MSRA: variants seen among roughly 807,000 people sequenced by gnomAD.
The protein encoded by MSRA is methionine sulfoxide reductase A, also known as mitochondrial peptide methionine sulfoxide reductase.
MSRA carries 54 observed loss-of-function variants against 31.3 expected under a neutral mutation model. The observed-to-expected ratio is 1.73, with a 90% confidence interval of 1.39 to 2.17. The LOEUF (loss-of-function observed/expected upper bound fraction) is 2.17, where lower values mean the gene tolerates loss of function less well. Ranked by LOEUF, MSRA falls within the 30% of genes most tolerant of loss-of-function variation. The pLI is 0.00. For missense variants in MSRA, 507 were observed against 300.9 expected (o/e 1.69, Z -5.07); for synonymous variants, 169 against 116.5 (o/e 1.45, Z -2.90).
chr8:10,414,864 A>T (rs1297336411), intron 5 of MSRA, among the ~76,000 whole-genome samples: 1 of 152,230 alleles, frequency 6.6e-6, no homozygotes, highest in Non-Finnish European at 1.5e-5. Context: ...GATATGAAAA[A>T]GCAGATTATA....
intron 3 of MSRA, among the ~76,000 whole-genome samples, chr8:10,278,646 C>T (rs1366643286): frequency 1.3e-5 from 2 of 152,188 alleles, no homozygotes; most frequent in African/African-American, 4.8e-5. Context: ...TGCATGGCCA[C>T]ACTAACTGTG....
At chr8:10,188,998 T>G (rs1807291397) in intron 1 of MSRA, among the ~76,000 whole-genome samples, 2 of 152,234 alleles carry the variant, frequency 1.3e-5, no homozygotes, top group Non-Finnish European at 2.9e-5. Flanking sequence ...TTTATGAACA[T>G]GATGTATCTT....
intron 5 of MSRA, among the ~76,000 whole-genome samples, chr8:10,407,846 A>G (rs1378652234): frequency 1.3e-5 from 2 of 152,178 alleles, no homozygotes; most frequent in South Asian, 2.1e-4. Context: ...TGTAATGCCT[A>G]TTCTACCTGG....
intron 3 of MSRA, among the ~76,000 whole-genome samples, chr8:10,276,328 C>G (rs538491753): frequency 6.6e-6 from 1 of 152,218 alleles, no homozygotes; most frequent in African/African-American, 2.4e-5. Flanking sequence ...CAACAGTGGG[C>G]TGCCTTGTAA....
At chr8:10,214,402 G>T (rs571976670) in intron 2 of MSRA, among the ~76,000 whole-genome samples, 1 of 152,128 alleles carries the variant, frequency 6.6e-6, no homozygotes, top group African/African-American at 2.4e-5. Flanking sequence ...TTTTGAATCA[G>T]CCCCGGTTAT....
At chr8:10,166,642 G>C (rs142185404) in intron 1 of MSRA, among the ~76,000 whole-genome samples, 1 of 152,294 alleles carries the variant, frequency 6.6e-6, no homozygotes, top group Non-Finnish European at 1.5e-5. Flanking sequence ...CATTCTGTGG[G>C]CTGGGGATCT....
At chr8:10,115,369 C>A (rs1800601544) in intron 1 of MSRA, among the ~76,000 whole-genome samples, 1 of 152,164 alleles carries the variant, frequency 6.6e-6, no homozygotes, top group Admixed American at 6.5e-5. Context: ...TGTGATGCAG[C>A]CACAGCCAGG....
intron 5 of MSRA, among the ~76,000 whole-genome samples, chr8:10,340,934 C>T (rs779485882): frequency 5.3e-5 from 8 of 152,102 alleles, no homozygotes; most frequent in African/African-American, 1.7e-4. Flanking sequence ...AAAAGATGCC[C>T]CTGATAAGAA....
chr8:10,061,942 G>C (rs748406827), intron 1 of MSRA, among the ~76,000 whole-genome samples: 45 of 152,206 alleles, frequency 3.0e-4, no homozygotes, highest in Middle Eastern at 3.2e-3. Flanking sequence ...TGCAGTCCAC[G>C]TGGGGCCTTG....
intron 5 of MSRA, among the ~76,000 whole-genome samples, chr8:10,402,939 C>T (rs938682295): frequency 2.0e-5 from 3 of 152,164 alleles, no homozygotes; most frequent in African/African-American, 7.2e-5. Flanking sequence ...ATACACCATG[C>T]CTACCATTGA....
intron 4 of MSRA, 108 bp from the exon 5 acceptor site, chr8:10,319,775 C>T (rs1453350397): frequency 1.9e-6 from 1 of 522,586 alleles, no homozygotes; most frequent in Middle Eastern, 4.7e-4. Flanking sequence ...ACACATCAGG[C>T]ACAGGGACCA....
chr8:10,124,016 G>A (rs569847931), intron 1 of MSRA, among the ~76,000 whole-genome samples: 7 of 152,136 alleles, frequency 4.6e-5, no homozygotes, highest in African/African-American at 1.4e-4. Flanking sequence ...GGGAGGCTGA[G>A]GTTGGGGAAT....
chr8:10,180,962 C>T (rs1156359489), intron 1 of MSRA, among the ~76,000 whole-genome samples: 1 of 152,190 alleles, frequency 6.6e-6, no homozygotes, highest in African/African-American at 2.4e-5. Flanking sequence ...TGTATGACTT[C>T]AATCTTGATA....
At chr8:10,203,458 A>C (rs1299662733) in intron 1 of MSRA, among the ~76,000 whole-genome samples, 1 of 152,244 alleles carries the variant, frequency 6.6e-6, no homozygotes, top group Non-Finnish European at 1.5e-5. Context: ...GATTATGTAT[A>C]TGATGGTGGT....
At chr8:10,369,362 C>T (rs955488946) in intron 5 of MSRA, among the ~76,000 whole-genome samples, 1 of 152,074 alleles carries the variant, frequency 6.6e-6, no homozygotes, top group Non-Finnish European at 1.5e-5. Flanking sequence ...ACTACTGCCC[C>T]CCTAATGGTT....
At chr8:10,250,613 C>A in intron 3 of MSRA, 2 of 624,518 alleles carry the variant, frequency 3.2e-6, no homozygotes, top group South Asian at 1.9e-5. Flanking sequence ...GATTTTCAAG[C>A]AGGCTGTTCA....
intron 3 of MSRA, among the ~76,000 whole-genome samples, chr8:10,299,729 T>G (rs1450199825): frequency 3.3e-5 from 5 of 152,116 alleles, no homozygotes; most frequent in Non-Finnish European, 7.4e-5. Context: ...TGCTAAGGAT[T>G]AAAAATGTTG....
At chr8:10,057,248 C>A (rs1177213287) in intron 1 of MSRA, among the ~76,000 whole-genome samples, 1 of 152,148 alleles carries the variant, frequency 6.6e-6, no homozygotes, top group African/African-American at 2.4e-5. Context: ...GCAGTGCTGG[C>A]TGGCTGGTAG....
At chr8:10,230,405 A>G (rs1370895194) in intron 2 of MSRA, among the ~76,000 whole-genome samples, 4 of 152,172 alleles carry the variant, frequency 2.6e-5, no homozygotes, top group African/African-American at 9.7e-5. Flanking sequence ...CACAGTCAGG[A>G]GGGTGGCCAT....
Sources: gnomAD v4.1 joint callset for allele counts (sites outside exome capture counted in the v4.1 genomes callset) on GRCh38, gnomAD v4.1.1 for gene constraint, MANE v1.5 for transcripts, NCBI Gene and HGNC (gene_info 2026-07-23, HGNC 2026-07-21) for gene names.